STAG1: variants seen among roughly 807,000 people sequenced by gnomAD.
The protein encoded by STAG1 is cohesin subunit SA-1.
A neutral mutation model predicts 170.9 loss-of-function variants in STAG1; 26 were observed. That is an observed-to-expected ratio of 0.15 (90% CI 0.11 to 0.21). STAG1 has a LOEUF of 0.21. Among genes scored for constraint, STAG1 ranks in the 10% least tolerant of loss-of-function variants. STAG1 has a pLI of 1.00. For missense variants in STAG1, 964 were observed against 1,509.5 expected (o/e 0.64, Z 5.99); for synonymous variants, 514 against 497.7 (o/e 1.03, Z -0.44).
chr3:136,707,684 G>A (rs7637345), intron 1 of STAG1, among the ~76,000 whole-genome samples: 1,754 of 152,306 alleles, frequency 0.012, 21 homozygotes, highest in African/African-American at 0.041. Flanking sequence ...GGTCAATGGG[G>A]AAGTGGACAC....
At position 136,443,416 on chromosome 3, in the gene STAG1, A is replaced by G; in HGVS notation, c.1429-12T>C. 3 of 1,562,058 alleles carry G rather than the reference A, an allele frequency of 1.9e-6. No homozygotes were observed. Among genetic ancestry groups the G allele is most frequent in the Non-Finnish European group, 2.6e-6 (3 of 1,139,910 alleles). On this transcript the variant is annotated splice_polypyrimidine_tract_variant and intron_variant, in intron 14 of 33. Coordinates refer to ENST00000383202, the MANE Select transcript of STAG1 (RefSeq NM_005862.3). ...GCATGTTCATGTAACTAAAAAGAAA[A>G]AATCAAGTGTGACCAAAGAATATTT...
At chr3:136,570,641 TC>T (rs1239844889) in intron 4 of STAG1, among the ~76,000 whole-genome samples, 1 of 152,184 alleles carries the variant, frequency 6.6e-6, no homozygotes, top group Non-Finnish European at 1.5e-5. Flanking sequence ...AAATCACACT[TC>T]CACCAGCAAT....
intron 5 of STAG1, among the ~76,000 whole-genome samples, chr3:136,555,071 G>GCA (rs1042974219): frequency 4.0e-4 from 58 of 146,018 alleles, no homozygotes; most frequent in Non-Finnish European, 6.6e-4. Context: ...ACGCACTCAG[G>GCA]CACACACACA....
At chr3:136,713,014 C>T (rs1179033136) in intron 1 of STAG1, among the ~76,000 whole-genome samples, 1 of 152,016 alleles carries the variant, frequency 6.6e-6, no homozygotes, top group African/African-American at 2.4e-5. Context: ...CCACTTGGAA[C>T]CCGGGAGGCA....
intron 9 of STAG1, among the ~76,000 whole-genome samples, chr3:136,497,746 T>C (rs1013056660): frequency 6.6e-6 from 1 of 151,412 alleles, no homozygotes; most frequent in Non-Finnish European, 1.5e-5. Flanking sequence ...TCCCAGCTAC[T>C]TGGGAGGCTG....
intron 1 of STAG1, among the ~76,000 whole-genome samples, chr3:136,676,196 C>T (rs1942124651): frequency 6.6e-6 from 1 of 152,176 alleles, no homozygotes; most frequent in African/African-American, 2.4e-5. Flanking sequence ...CTGTAAGTTG[C>T]TCTAGGTGAG....
chr3:136,629,820 A>C (rs1263351941), intron 2 of STAG1, among the ~76,000 whole-genome samples: 1 of 152,248 alleles, frequency 6.6e-6, no homozygotes, highest in Non-Finnish European at 1.5e-5. Flanking sequence ...AAGTATGCAG[A>C]TTCCCGACTT....
intron 4 of STAG1, among the ~76,000 whole-genome samples, chr3:136,579,696 TCCACCAGGC>T (rs1337458842): frequency 3.9e-5 from 6 of 152,156 alleles, no homozygotes; most frequent in African/African-American, 1.4e-4. Flanking sequence ...TATTGAGGTG[TCCACCAGGC>T]TCTGAATTTG....
At chr3:136,535,223 C>T (rs921365730) in intron 6 of STAG1, among the ~76,000 whole-genome samples, 1 of 151,988 alleles carries the variant, frequency 6.6e-6, no homozygotes, top group Non-Finnish European at 1.5e-5. Flanking sequence ...ATGATAGATG[C>T]CAGAGGGAGA....
At chr3:136,584,905 G>C (rs1937733544) in intron 4 of STAG1, among the ~76,000 whole-genome samples, 1 of 152,134 alleles carries the variant, frequency 6.6e-6, no homozygotes. Flanking sequence ...ACTCTGTCTT[G>C]TTTTAAGTAA....
chr3:136,725,278 G>A (rs567915780), intron 1 of STAG1, among the ~76,000 whole-genome samples: 1 of 140,204 alleles, frequency 7.1e-6, no homozygotes, highest in Non-Finnish European at 1.6e-5. Flanking sequence ...AAAATTATAC[G>A]GGTGTGTGTG....
intron 1 of STAG1, among the ~76,000 whole-genome samples, chr3:136,652,629 A>C (rs909698107): frequency 6.6e-6 from 1 of 152,226 alleles, no homozygotes; most frequent in African/African-American, 2.4e-5. Context: ...AAAGAAAAAC[A>C]ACCAGAATCT....
intron 6 of STAG1, among the ~76,000 whole-genome samples, chr3:136,540,848 A>AAAAAAAAAAAAAAAAC (rs1935860549): frequency 6.8e-6 from 1 of 147,598 alleles, no homozygotes; most frequent in Non-Finnish European, 1.5e-5. Context: ...AAAAAAAAAA[A>AAAAAAAAAAAAAAAAC]AAAACCTATA....
At chr3:136,374,603 G>A (rs1319912905) in intron 23 of STAG1, among the ~76,000 whole-genome samples, 2 of 150,178 alleles carry the variant, frequency 1.3e-5, no homozygotes, top group Non-Finnish European at 3.0e-5. Context: ...GGCAACAAGA[G>A]CAAAACTCCG....
At chr3:136,644,588 G>C (rs887928619) in intron 1 of STAG1, among the ~76,000 whole-genome samples, 2 of 152,198 alleles carry the variant, frequency 1.3e-5, no homozygotes, top group South Asian at 4.1e-4. Context: ...ATTGATGTAG[G>C]TTAGTATAGC....
rs57299539 is a variant in STAG1, at chr3:136,551,428, A to ATT, written c.395-9235_395-9234dup. On this transcript the variant is annotated intron_variant, in intron 5 of 33. Transcript: ENST00000383202. Reference sequence around the variant, plus strand: ...AGGCAGGCATCAATACATCTGGCTAATTTTTTTTTTTTTTTGGCAGGGGGA... The same window carrying ATT: ...AGGCAGGCATCAATACATCTGGCTAATTTTTTTTTTTTTTTTTGGCAGGGGGA... Among the ~76,000 whole-genome samples the ATT allele has an allele frequency of 1.7e-5, 2 of 117,504 alleles. 1 individual carries two copies. Among genetic ancestry groups the ATT allele is most frequent in the African/African-American group, 6.7e-5 (2 of 29,768 alleles). The allele number at this position is 117,504 out of a possible 152,430, so 77.1% of individuals were successfully genotyped here.
intron 6 of STAG1, among the ~76,000 whole-genome samples, chr3:136,527,327 C>T (rs1028080434): frequency 6.6e-6 from 1 of 152,176 alleles, no homozygotes; most frequent in Non-Finnish European, 1.5e-5. Context: ...TCCTTTCTCG[C>T]TTCATTTCAT....
At chr3:136,457,317 A>G (rs1404641153) in intron 13 of STAG1, among the ~76,000 whole-genome samples, 1 of 152,092 alleles carries the variant, frequency 6.6e-6, no homozygotes, top group Non-Finnish European at 1.5e-5. Context: ...GCTCGTAAAC[A>G]TGTTCTCCAT....
At position 136,337,186 on chromosome 3, in the gene STAG1, A is replaced by AATC. The variant is rs1453647383; in HGVS notation, c.*1065_*1067dup. The AATC allele has an allele frequency of 3.3e-5, 5 of 152,484 alleles. No homozygotes were observed. In the East Asian group the frequency reaches 5.9e-4, roughly 18 times the overall value. 9.4% of individuals were successfully genotyped at this position (152,484 alleles called of 1,614,324 possible). A position where few individuals can be genotyped will look rare whatever the true frequency, so the allele number is the denominator to read the frequency against. ...ACTTCTATGCAGCACATACTTCTAT[A>AATC]ATCAGTAAACTTAATTCACAAAATT... On this transcript the variant is annotated 3_prime_UTR_variant, in exon 34 of 34. Transcript: ENST00000383202.
Sources: gnomAD v4.1 joint callset for allele counts (sites outside exome capture counted in the v4.1 genomes callset) on GRCh38, gnomAD v4.1.1 for gene constraint, MANE v1.5 for transcripts, NCBI Gene and HGNC (gene_info 2026-07-23, HGNC 2026-07-21) for gene names.